The following ARHGAP15 variants were observed in gnomAD, a reference collection of about 807,000 sequenced individuals.
ARHGAP15 encodes the protein Rho GTPase activating protein 15, also known as rho GTPase-activating protein 15.
ARHGAP15 carries 51 observed loss-of-function variants against 63.7 expected under a neutral mutation model. The ratio of observed to expected loss-of-function variants is 0.80; its 90% CI spans 0.64 to 1.01. The LOEUF is 1.01. ARHGAP15 is among the 50% of genes least tolerant of loss of function. The pLI is 0.00. For missense variants in ARHGAP15, 560 were observed against 564.6 expected (o/e 0.99, Z 0.08); for synonymous variants, 191 against 193.8 (o/e 0.99, Z 0.12).
chr2:143,467,744 T>C (rs1691301945), intron 8 of ARHGAP15, among the ~76,000 whole-genome samples: 1 of 152,116 alleles, frequency 6.6e-6, no homozygotes, highest in Non-Finnish European at 1.5e-5. Context: ...AAGATTTTCA[T>C]GCAAAAATAT....
intron 8 of ARHGAP15, among the ~76,000 whole-genome samples, chr2:143,457,599 A>G (rs906920604): frequency 1.9e-4 from 29 of 150,382 alleles, no homozygotes; most frequent in Non-Finnish European, 3.7e-4. Flanking sequence ...ACTAATATAT[A>G]TTATAATTTA....
chr2:143,165,397 T>G (rs1479036061), intron 2 of ARHGAP15, among the ~76,000 whole-genome samples: 1 of 152,088 alleles, frequency 6.6e-6, no homozygotes, highest in Non-Finnish European at 1.5e-5. Context: ...GTCTTCATAT[T>G]TCCAATGAGA....
At chr2:143,614,375 A>G (rs1171223556) in intron 11 of ARHGAP15, among the ~76,000 whole-genome samples, 1 of 152,140 alleles carries the variant, frequency 6.6e-6, no homozygotes, top group Non-Finnish European at 1.5e-5. Context: ...TCTTATTTTT[A>G]CCCCAGCAGC....
chr2:143,733,075 G>T (rs1335409847), intron 13 of ARHGAP15, among the ~76,000 whole-genome samples: 4 of 152,088 alleles, frequency 2.6e-5, no homozygotes, highest in African/African-American at 9.7e-5. Flanking sequence ...CTTTGTCCAG[G>T]ATTTCTCCAG....
intron 6 of ARHGAP15, among the ~76,000 whole-genome samples, chr2:143,431,967 G>T (rs180880261): frequency 6.6e-6 from 1 of 151,788 alleles, no homozygotes; most frequent in African/African-American, 2.4e-5. Flanking sequence ...TCTGAAGTCA[G>T]TTGGAAGCTG....
rs1157521605 is a variant in ARHGAP15, at chr2:143,320,408, ACCC to A, written c.474+69820_474+69822del. Among the ~76,000 whole-genome samples, 69 of 26,308 alleles carry A rather than the reference ACCC, an allele frequency of 2.6e-3. 2 individuals are homozygous for A. The highest frequency in any genetic ancestry group is 0.042 in the Middle Eastern group (1 of 24). 17.3% of individuals were successfully genotyped at this position (26,308 alleles called of 152,430 possible). On this transcript the variant is annotated intron_variant, in intron 6 of 13. Transcript: ENST00000295095. Reference sequence around the variant, plus strand: ...AAATGCCACAAATCAGGACTTCCCCACCCCCCCCCCCCCCAGAGATCCTATGAT... The same window carrying A: ...AAATGCCACAAATCAGGACTTCCCCACCCCCCCCCCCAGAGATCCTATGAT...
Position 143,624,286 on chromosome 2 carries a change from AG to A in ARHGAP15, c.1138+22del, listed in dbSNP as rs1414766497. ...GCGATCAGTAAGTACCTCACAGAAAAGGGCAGGTGGTAGAATAACCTGACAT... is the reference window on the plus strand; with the variant it reads ...GCGATCAGTAAGTACCTCACAGAAAAGGCAGGTGGTAGAATAACCTGACAT... On this transcript the variant is annotated intron_variant, in intron 12 of 13. Coordinates refer to ENST00000295095, the MANE Select transcript of ARHGAP15 (RefSeq NM_018460.4). 6.3e-7 allele frequency: 1 copy of A among 1,599,324 alleles called. No homozygotes were observed. The highest frequency in any genetic ancestry group is 2.2e-5 in the East Asian group (1 of 44,532).
chr2:143,588,669 T>G (rs926779848), intron 11 of ARHGAP15, among the ~76,000 whole-genome samples: 3 of 152,196 alleles, frequency 2.0e-5, no homozygotes, highest in Non-Finnish European at 4.4e-5. Flanking sequence ...ATCTCATTCC[T>G]TTTTGCGGCT....
At chr2:143,599,151 A>C (rs1697654763) in intron 11 of ARHGAP15, among the ~76,000 whole-genome samples, 1 of 152,132 alleles carries the variant, frequency 6.6e-6, no homozygotes, top group Admixed American at 6.6e-5. Flanking sequence ...TAGGAACACA[A>C]GCAATAGATT....
chr2:143,168,757 A>G (rs1195102935), intron 2 of ARHGAP15, among the ~76,000 whole-genome samples: 1 of 152,010 alleles, frequency 6.6e-6, no homozygotes, highest in East Asian at 1.9e-4. Flanking sequence ...AATTTAAATC[A>G]ACTTCGATTT....
chr2:143,143,392 G>A (rs1275512146), intron 1 of ARHGAP15, among the ~76,000 whole-genome samples: 2 of 150,896 alleles, frequency 1.3e-5, no homozygotes, highest in East Asian at 3.9e-4. Context: ...CAAAGAAAAG[G>A]ATTGAAAAAC....
At chr2:143,711,918 G>A (rs530299021) in intron 13 of ARHGAP15, among the ~76,000 whole-genome samples, 31 of 152,250 alleles carry the variant, frequency 2.0e-4, no homozygotes, top group East Asian at 3.9e-4. Context: ...AAGCAAGATC[G>A]TGTCAAAAAA....
intron 12 of ARHGAP15, among the ~76,000 whole-genome samples, chr2:143,688,088 A>C (rs1347058408): frequency 6.6e-6 from 1 of 152,192 alleles, no homozygotes; most frequent in African/African-American, 2.4e-5. Flanking sequence ...TTCATTCTGC[A>C]TTTGTTTTAT....
chr2:143,765,148 G>GGTAAAAT (rs1686907736), intron 13 of ARHGAP15, among the ~76,000 whole-genome samples: 6 of 127,632 alleles, frequency 4.7e-5, no homozygotes, highest in African/African-American at 2.2e-4. Context: ...TGTGTGTGTG[G>GGTAAAAT]TAAAATTAAT....
At chr2:143,661,220 A>G (rs1043197817) in intron 12 of ARHGAP15, among the ~76,000 whole-genome samples, 2 of 152,136 alleles carry the variant, frequency 1.3e-5, no homozygotes, top group Non-Finnish European at 2.9e-5. Context: ...CCTCACCTCA[A>G]AGTCCTTAAC....
intron 8 of ARHGAP15, among the ~76,000 whole-genome samples, chr2:143,449,742 T>A (rs1179774318): frequency 1.3e-5 from 2 of 152,092 alleles, no homozygotes; most frequent in African/African-American, 4.8e-5. Context: ...ACCCTCTTAG[T>A]AGGGTGAGAT....
intron 11 of ARHGAP15, among the ~76,000 whole-genome samples, chr2:143,582,883 A>C (rs1192317464): frequency 6.6e-6 from 1 of 152,254 alleles, no homozygotes; most frequent in Non-Finnish European, 1.5e-5. Context: ...TAGTTCCTTT[A>C]GCAAAGCTAA....
chr2:143,244,800 G>A (rs1693986362), intron 5 of ARHGAP15, among the ~76,000 whole-genome samples: 1 of 152,170 alleles, frequency 6.6e-6, no homozygotes, highest in Non-Finnish European at 1.5e-5. Context: ...TGGCCACAGA[G>A]GCAAGAGGTA....
At chr2:143,503,959 C>G (rs765655425) in intron 9 of ARHGAP15, among the ~76,000 whole-genome samples, 3 of 152,156 alleles carry the variant, frequency 2.0e-5, no homozygotes, top group Non-Finnish European at 4.4e-5. Flanking sequence ...GTCAAATGCT[C>G]TAAGGGGTAT....
Sources: gnomAD v4.1 joint callset for allele counts (sites outside exome capture counted in the v4.1 genomes callset) on GRCh38, gnomAD v4.1.1 for gene constraint, MANE v1.5 for transcripts, NCBI Gene and HGNC (gene_info 2026-07-23, HGNC 2026-07-21) for gene names.